The following GADL1 variants were observed in gnomAD, a reference collection of about 807,000 sequenced individuals.
The protein encoded by GADL1 is GAD like acidic amino acid decarboxylase 1, also known as acidic amino acid decarboxylase GADL1.
GADL1 carries 71 observed loss-of-function variants against 69.5 expected under a neutral mutation model. The ratio of observed to expected loss-of-function variants is 1.02; its 90% CI spans 0.84 to 1.25. The LOEUF (loss-of-function observed/expected upper bound fraction) is 1.25. Ranked by LOEUF, GADL1 falls within the 50% of genes most tolerant of loss-of-function variation. The pLI, the probability that GADL1 is intolerant of heterozygous loss-of-function variation, is 0.00. For missense variants in GADL1, 737 were observed against 631.8 expected (o/e 1.17, Z -1.79); for synonymous variants, 254 against 214.4 (o/e 1.18, Z -1.62).
At chr3:30,739,648 C>G (rs1283317252) in intron 14 of GADL1, among the ~76,000 whole-genome samples, 1 of 152,138 alleles carries the variant, frequency 6.6e-6, no homozygotes, top group Admixed American at 6.6e-5. Context: ...CCTAAAACAC[C>G]TTGGTATTTC....
At chr3:30,749,282 G>A (rs889479193) in intron 14 of GADL1, among the ~76,000 whole-genome samples, 2 of 152,158 alleles carry the variant, frequency 1.3e-5, no homozygotes, top group Admixed American at 6.5e-5. Context: ...AGCAGAAAAG[G>A]TTACATAAGG....
chr3:30,826,746 C>T (rs191371167), intron 11 of GADL1, among the ~76,000 whole-genome samples: 36 of 150,978 alleles, frequency 2.4e-4, no homozygotes, highest in African/African-American at 8.6e-4. Flanking sequence ...ATCTCTTCTA[C>T]TTGTCCAGTC....
intron 1 of GADL1, among the ~76,000 whole-genome samples, chr3:30,891,309 C>T (rs1445595479): frequency 1.3e-5 from 2 of 152,152 alleles, no homozygotes; most frequent in African/African-American, 4.8e-5. Flanking sequence ...CAGTGAGCTG[C>T]CTCCTCAGGA....
chr3:30,769,386 GCACACA>G (rs142076789), intron 14 of GADL1, among the ~76,000 whole-genome samples: 2 of 151,492 alleles, frequency 1.3e-5, no homozygotes, highest in South Asian at 2.1e-4. Context: ...ATGCACACAC[GCACACA>G]CACACACCCA....
chr3:30,808,887 G>T (rs186334821), intron 11 of GADL1, among the ~76,000 whole-genome samples: 14 of 152,044 alleles, frequency 9.2e-5, no homozygotes, highest in African/African-American at 3.4e-4. Flanking sequence ...AAAATAATTC[G>T]AAAACTCACC....
At chr3:30,818,870 T>C (rs1697521754) in intron 11 of GADL1, among the ~76,000 whole-genome samples, 2 of 152,110 alleles carry the variant, frequency 1.3e-5, no homozygotes, top group Non-Finnish European at 2.9e-5. Flanking sequence ...TACCTGAATA[T>C]CTGCTATGGC....
At chr3:30,793,965 T>C (rs1160097778) in intron 12 of GADL1, among the ~76,000 whole-genome samples, 3 of 152,216 alleles carry the variant, frequency 2.0e-5, no homozygotes, top group Non-Finnish European at 4.4e-5. Flanking sequence ...ACATGACTTG[T>C]GGAATTCATC....
intron 14 of GADL1, among the ~76,000 whole-genome samples, chr3:30,746,670 G>A (rs952194598): frequency 7.9e-5 from 12 of 152,086 alleles, no homozygotes; most frequent in Non-Finnish European, 2.9e-5. Flanking sequence ...TAAGAACAGT[G>A]TCTAATCCTG....
At chr3:30,785,976 GAA>G (rs1696780392) in intron 13 of GADL1, among the ~76,000 whole-genome samples, 1 of 152,060 alleles carries the variant, frequency 6.6e-6, no homozygotes, top group Admixed American at 6.6e-5. Flanking sequence ...TATAAAAAGA[GAA>G]AACTGTATGC....
chr3:30,739,584 CTATT>C (rs1238611360), intron 14 of GADL1, among the ~76,000 whole-genome samples: 1 of 152,148 alleles, frequency 6.6e-6, no homozygotes, highest in African/African-American at 2.4e-5. Flanking sequence ...CTTTGCATCT[CTATT>C]TATGTCATTT....
chr3:30,746,527 T>C (rs1360482679), intron 14 of GADL1, among the ~76,000 whole-genome samples: 2 of 152,118 alleles, frequency 1.3e-5, no homozygotes, highest in Admixed American at 6.5e-5. Flanking sequence ...AAAACAGCAC[T>C]AGGGCTGTGA....
chr3:30,858,725 G>A (rs890667855), intron 2 of GADL1, among the ~76,000 whole-genome samples: 1 of 151,964 alleles, frequency 6.6e-6, no homozygotes, highest in African/African-American at 2.4e-5. Context: ...GTTGATCTGA[G>A]GCTCTTGCAA....
At chr3:30,735,533 T>G (rs1259836540) in intron 14 of GADL1, among the ~76,000 whole-genome samples, 1 of 152,128 alleles carries the variant, frequency 6.6e-6, no homozygotes, top group African/African-American at 2.4e-5. Flanking sequence ...GAAGCCAGAC[T>G]CAAAGGCTGC....
chr3:30,769,995 G>T (rs1696381532), intron 14 of GADL1, among the ~76,000 whole-genome samples: 1 of 52,480 alleles, frequency 1.9e-5, no homozygotes. Flanking sequence ...AAAACAAAGG[G>T]TTCACGTAAT....
At chr3:30,859,047 AAGG>A in intron 2 of GADL1, among the ~76,000 whole-genome samples, 1 of 152,140 alleles carries the variant, frequency 6.6e-6, no homozygotes, top group East Asian at 1.9e-4. Context: ...ATTTATCAAC[AAGG>A]AGGTGTTCTT....
chr3:30,761,676 ATG>A (rs1696137916), intron 14 of GADL1, among the ~76,000 whole-genome samples: 1 of 151,144 alleles, frequency 6.6e-6, no homozygotes, highest in African/African-American at 2.4e-5. Context: ...TAAAAAAGGA[ATG>A]AGATTTTTTT....
chr3:30,767,574 AAAAT>A (rs1696313048), intron 14 of GADL1, among the ~76,000 whole-genome samples: 1 of 152,200 alleles, frequency 6.6e-6, no homozygotes. Context: ...ATGATACACT[AAAAT>A]AACTTCTACA....
intron 12 of GADL1, among the ~76,000 whole-genome samples, chr3:30,796,357 A>G (rs897350466): frequency 6.6e-6 from 1 of 152,228 alleles, no homozygotes; most frequent in African/African-American, 2.4e-5. Context: ...TAATAGAAGC[A>G]CTTCAACCCT....
At position 30,837,943 on chromosome 3, in the gene GADL1, C is replaced by T. The variant is rs975283671; in HGVS notation, c.903+1054G>A. 5.3e-5 allele frequency among the ~76,000 whole-genome samples: 8 copies of T among 152,112 alleles called. No homozygotes were observed. In the South Asian group the frequency reaches 1.0e-3, roughly 20 times the overall value. On this transcript the variant is annotated intron_variant, in intron 9 of 14. Transcript: ENST00000282538. ...AATAACTCTAGTAAACTTTATACTA[C>T]TGTTGCTTTTACAAATGTTAGTATT...
Sources: allele counts gnomAD v4.1 joint callset (sites outside exome capture counted in the v4.1 genomes callset), GRCh38; gene constraint gnomAD v4.1.1; transcripts MANE v1.5; gene names NCBI Gene and HGNC (gene_info 2026-07-23, HGNC 2026-07-21).